The following AFF1 variants were observed in gnomAD, a reference collection of about 807,000 sequenced individuals.
The protein encoded by AFF1 is ALF transcription elongation factor 1.
AFF1 carries 48 observed loss-of-function variants against 121.7 expected under a neutral mutation model. The ratio of observed to expected loss-of-function variants is 0.39; its 90% CI spans 0.31 to 0.50. The LOEUF (loss-of-function observed/expected upper bound fraction) is 0.50. AFF1 is among the 20% of genes least tolerant of loss of function. The pLI is 0.76. For synonymous variants in AFF1, 613 were observed against 563.0 expected, an observed-to-expected ratio of 1.09 and a Z score of -1.26; for missense variants, 1,523 against 1,511.7, an observed-to-expected ratio of 1.01 and a Z score of -0.12.
chr4:87,055,706 A>G (rs1720054818), intron 4 of AFF1, among the ~76,000 whole-genome samples: 1 of 152,212 alleles, frequency 6.6e-6, no homozygotes, highest in African/African-American at 2.4e-5. Context: ...TCCAAGGGGA[A>G]TCTTGTTGAT....
chr4:86,956,840 C>T (rs986804892), intron 2 of AFF1, among the ~76,000 whole-genome samples: 1 of 152,082 alleles, frequency 6.6e-6, no homozygotes, highest in Non-Finnish European at 1.5e-5. Flanking sequence ...AGGTAGTATC[C>T]ACTTTTTTGT....
At chr4:87,040,272 C>T (rs1208678100) in intron 2 of AFF1, among the ~76,000 whole-genome samples, 3 of 152,152 alleles carry the variant, frequency 2.0e-5, no homozygotes, top group Non-Finnish European at 4.4e-5. Flanking sequence ...TTAGGTCGTT[C>T]CTCAAGGACA....
At chr4:86,950,035 G>T (rs1026147807) in intron 2 of AFF1, 3 of 1,614,120 alleles carry the variant, frequency 1.9e-6, no homozygotes, top group Non-Finnish European at 2.5e-6. Flanking sequence ...CGTAGGTAGG[G>T]GGAGTGTAGA....
chr4:86,990,732 CAGG>C (rs746341537), intron 2 of AFF1, among the ~76,000 whole-genome samples: 4 of 152,174 alleles, frequency 2.6e-5, no homozygotes, highest in Non-Finnish European at 5.9e-5. Context: ...GTGTGTTTCC[CAGG>C]AACTTGATTC....
chr4:86,991,898 A>G (rs936182774), intron 2 of AFF1, among the ~76,000 whole-genome samples: 3 of 94,044 alleles, frequency 3.2e-5, no homozygotes, highest in African/African-American at 1.3e-4. Flanking sequence ...CTTTGGTCCT[A>G]TTTATTGAAT....
chr4:87,054,709 T>C (rs1334112215), intron 4 of AFF1, among the ~76,000 whole-genome samples: 1 of 152,110 alleles, frequency 6.6e-6, no homozygotes, highest in Non-Finnish European at 1.5e-5. Context: ...TAAGAAAGCA[T>C]GAAGAATAAG....
At chr4:86,984,042 AAAAG>A (rs1724005828) in intron 2 of AFF1, among the ~76,000 whole-genome samples, 1 of 152,202 alleles carries the variant, frequency 6.6e-6, no homozygotes, top group Non-Finnish European at 1.5e-5. Context: ...ATCTCAAAAA[AAAAG>A]AAAAAGAAAA....
intron 2 of AFF1, among the ~76,000 whole-genome samples, chr4:87,000,701 T>C (rs1725638436): frequency 1.3e-5 from 2 of 151,182 alleles, no homozygotes; most frequent in African/African-American, 2.4e-5. Context: ...ATTGGTATAA[T>C]TGTAGGCTAA....
At chr4:87,072,719 TG>T (rs1242401689) in intron 4 of AFF1, among the ~76,000 whole-genome samples, 1 of 151,938 alleles carries the variant, frequency 6.6e-6, no homozygotes, top group Non-Finnish European at 1.5e-5. Context: ...TTAGTAGAGA[TG>T]GGATTTCACC....
rs1386153778 is a variant in AFF1 at position 87,138,250 on chromosome 4, G to A, written c.*2549G>A. ...GTTCATAGGGTCTTTTTGCTGTTAC[G>A]GTTGTATATAGAGGTCTGAAGGATT... On this transcript the variant is annotated 3_prime_UTR_variant, in exon 21 of 21. Coordinates refer to ENST00000395146, the MANE Select transcript of AFF1 (RefSeq NM_001166693.3). 8 of 232,282 alleles carry A rather than the reference G, an allele frequency of 3.4e-5. No homozygotes were observed. The highest frequency in any genetic ancestry group is 1.8e-4 in the South Asian group (1 of 5,526). 14.4% of individuals were successfully genotyped at this position (232,282 alleles called of 1,614,324 possible). A position where few individuals can be genotyped will look rare whatever the true frequency, so the allele number is the denominator to read the frequency against.
At chr4:86,960,739 G>T (rs1190341535) in intron 2 of AFF1, among the ~76,000 whole-genome samples, 2 of 152,172 alleles carry the variant, frequency 1.3e-5, no homozygotes, top group African/African-American at 4.8e-5. Context: ...GTAAACTCTC[G>T]TTGTGTAGTC....
chr4:87,048,552 A>G (rs17012288), intron 4 of AFF1, among the ~76,000 whole-genome samples: 5,558 of 152,290 alleles, frequency 0.036, 319 homozygotes, highest in African/African-American at 0.13. Context: ...TCTAATTTGC[A>G]TCTCCATTGC....
intron 4 of AFF1, among the ~76,000 whole-genome samples, chr4:87,050,896 G>GA (rs1165993731): frequency 1.3e-5 from 2 of 152,222 alleles, no homozygotes; most frequent in Non-Finnish European, 2.9e-5. Context: ...GATAACAAGT[G>GA]AAAGAGAGAG....
At chr4:87,099,524 T>C (rs1356301581) in intron 8 of AFF1, among the ~76,000 whole-genome samples, 1 of 152,226 alleles carries the variant, frequency 6.6e-6, no homozygotes, top group African/African-American at 2.4e-5. Flanking sequence ...TCCTCCCACC[T>C]TAGCCTCTCG....
chr4:87,071,850 T>C (rs1408446503), intron 4 of AFF1, among the ~76,000 whole-genome samples: 2 of 152,112 alleles, frequency 1.3e-5, no homozygotes, highest in Non-Finnish European at 1.5e-5. Flanking sequence ...TCAGGAAAGA[T>C]AGTGAATGCA....
intron 4 of AFF1, 102 bp from the exon 5 acceptor site, chr4:87,084,018 A>G: frequency 9.5e-7 from 1 of 1,052,790 alleles, no homozygotes; most frequent in South Asian, 1.3e-5. Flanking sequence ...AGTAGAAGGT[A>G]AGCCTTGAGA....
At chr4:86,954,787 A>G (rs1388114403) in intron 2 of AFF1, among the ~76,000 whole-genome samples, 1 of 152,318 alleles carries the variant, frequency 6.6e-6, no homozygotes, top group African/African-American at 2.4e-5. Flanking sequence ...GATCATCATA[A>G]AGGTCTTCAT....
At chr4:87,092,759 A>G (rs1240224107) in intron 7 of AFF1, among the ~76,000 whole-genome samples, 1 of 152,228 alleles carries the variant, frequency 6.6e-6, no homozygotes, top group Admixed American at 6.5e-5. Context: ...CCCAAAATGC[A>G]GATAAATAAA....
intron 11 of AFF1, among the ~76,000 whole-genome samples, chr4:87,111,794 C>G (rs1726567930): frequency 6.6e-6 from 1 of 152,176 alleles, no homozygotes; most frequent in African/African-American, 2.4e-5. Flanking sequence ...TCTGGCACAA[C>G]TACTCAATTT....
Sources: gnomAD v4.1 joint callset for allele counts (sites outside exome capture counted in the v4.1 genomes callset) on GRCh38, gnomAD v4.1.1 for gene constraint, MANE v1.5 for transcripts, NCBI Gene and HGNC (gene_info 2026-07-23, HGNC 2026-07-21) for gene names.